Variants in CWC27 observed in about 807,000 individuals in gnomAD.
CWC27 encodes the protein spliceosome-associated protein CWC27 homolog.
CWC27 carries 47 observed loss-of-function variants against 63.6 expected under a neutral mutation model. The observed-to-expected ratio is 0.74, with a 90% CI of 0.58 to 0.94. CWC27 has a LOEUF of 0.94. Among genes scored for constraint, CWC27 ranks in the 40% least tolerant of loss-of-function variants. CWC27 has a pLI of 0.00. For missense variants in CWC27, 495 were observed against 554.3 expected (o/e 0.89, Z 1.07); for synonymous variants, 175 against 179.8 (o/e 0.97, Z 0.22).
rs115478115 is a variant in CWC27 at position 64,963,008 on chromosome 5, G to A, written c.1043-8695G>A. 7.8e-3 allele frequency among the ~76,000 whole-genome samples: 1,186 copies of A among 152,196 alleles called. 18 individuals are homozygous for A. Among genetic ancestry groups the A allele is most frequent in the African/African-American group, 0.027 (1,135 of 41,506 alleles). ...GTCTCTCTCTGTTGCCCAGGCTGGA[G>A]TGCAGGCACAGTCTTGGCTCACTAC... On this transcript the variant is annotated intron_variant, in intron 11 of 13. Coordinates refer to ENST00000381070, the MANE Select transcript of CWC27 (RefSeq NM_005869.4).
intron 13 of CWC27, among the ~76,000 whole-genome samples, chr5:64,998,197 G>A (rs537320534): frequency 7.2e-5 from 11 of 152,184 alleles, no homozygotes; most frequent in South Asian, 2.1e-4. Flanking sequence ...TTTGTTTGTG[G>A]ATCTGTTTTG....
chr5:64,807,876 C>T, intron 10 of CWC27: 2 of 1,479,926 alleles, frequency 1.4e-6, no homozygotes, highest in East Asian at 2.5e-5. Context: ...AAAACCATTC[C>T]ATTTTATTTC....
intron 7 of CWC27, among the ~76,000 whole-genome samples, chr5:64,792,160 C>T (rs1233671636): frequency 6.6e-6 from 1 of 152,126 alleles, no homozygotes; most frequent in Non-Finnish European, 1.5e-5. Context: ...CCTTCACCAA[C>T]TCTGCTCTTT....
intron 11 of CWC27, among the ~76,000 whole-genome samples, chr5:64,909,198 A>G (rs748043111): frequency 6.6e-6 from 1 of 152,178 alleles, no homozygotes; most frequent in Non-Finnish European, 1.5e-5. Context: ...CTTTAAGAAT[A>G]TTGAATATTG....
chr5:64,884,994 C>T (rs920029191), intron 10 of CWC27, among the ~76,000 whole-genome samples: 11 of 152,190 alleles, frequency 7.2e-5, no homozygotes, highest in Non-Finnish European at 4.4e-5. Flanking sequence ...TGACACCTAC[C>T]GTGTAATAAT....
intron 8 of CWC27, 77 bp downstream of exon 8, chr5:64,800,404 ACAGT>A (rs1744449018): frequency 9.2e-7 from 1 of 1,086,828 alleles, no homozygotes; most frequent in African/African-American, 1.6e-5. Context: ...CTGTGAGTAA[ACAGT>A]CAGTCCTCAT....
At chr5:64,943,036 A>G (rs1263038406) in intron 11 of CWC27, among the ~76,000 whole-genome samples, 3 of 152,220 alleles carry the variant, frequency 2.0e-5, no homozygotes, top group African/African-American at 7.2e-5. Context: ...CTCCTAAAGA[A>G]AAAAGCAGAC....
Position 64,801,297 on chromosome 5 carries a change from T to A in CWC27, c.750-5T>A. 7.0e-7 allele frequency: 1 copy of A among 1,420,574 alleles called. No homozygotes were observed. The allele number at this position is 1,420,574 out of a possible 1,614,324, so 88.0% of individuals were successfully genotyped here. A position where few individuals can be genotyped will look rare whatever the true frequency, so the allele number is the denominator to read the frequency against. On this transcript the variant is annotated splice_region_variant and splice_polypyrimidine_tract_variant and intron_variant, in intron 8 of 13. Transcript: ENST00000381070. The stretch of plus-strand genomic sequence containing the variant: ...TAAAATTTGTTTTGCTTATTTTTTT[T>A]ATAGTGAAAAAGGTGATGCACCAGA...
intron 10 of CWC27, among the ~76,000 whole-genome samples, chr5:64,873,674 T>C (rs1746729221): frequency 6.6e-6 from 1 of 152,194 alleles, no homozygotes; most frequent in Non-Finnish European, 1.5e-5. Context: ...AGAAGCTTTT[T>C]AGTTTAATAT....
chr5:64,932,832 C>A (rs1748265382), intron 11 of CWC27, among the ~76,000 whole-genome samples: 1 of 152,116 alleles, frequency 6.6e-6, no homozygotes, highest in Non-Finnish European at 1.5e-5. Flanking sequence ...GTATCACATC[C>A]TTTTTTGACA....
chr5:64,781,908 A>AT lies in CWC27; in HGVS notation c.140-4dup, dbSNP rs200915173. ...TTTTAGACATTGATAAATTATTTTT[A>AT]TTTTTTTTTCAGCTTATTATGACAA... On this transcript the variant is annotated splice_polypyrimidine_tract_variant and intron_variant, in intron 2 of 13. Coordinates refer to ENST00000381070, the MANE Select transcript of CWC27 (RefSeq NM_005869.4). 2.1e-3 allele frequency: 2,786 copies of AT among 1,335,806 alleles called. 2 individuals carry two copies. The highest frequency in any genetic ancestry group is 4.2e-3 in the African/African-American group (282 of 67,852). The allele number at this position is 1,335,806 out of a possible 1,614,324, so 82.7% of individuals were successfully genotyped here.
At chr5:64,805,579 G>A (rs1450725513) in intron 10 of CWC27, among the ~76,000 whole-genome samples, 1 of 151,724 alleles carries the variant, frequency 6.6e-6, no homozygotes, top group South Asian at 2.1e-4. Flanking sequence ...TAAAGGTTAG[G>A]TTTATAATGT....
chr5:64,984,916 A>G (rs1319252693), intron 13 of CWC27, among the ~76,000 whole-genome samples: 1 of 152,184 alleles, frequency 6.6e-6, no homozygotes, highest in African/African-American at 2.4e-5. Flanking sequence ...AACATTTTAT[A>G]GTTTTACATT....
At chr5:64,940,067 A>T (rs911746148) in intron 11 of CWC27, among the ~76,000 whole-genome samples, 1 of 152,080 alleles carries the variant, frequency 6.6e-6, no homozygotes, top group Non-Finnish European at 1.5e-5. Context: ...TGGGGGTGGG[A>T]TCCACTGAGC....
intron 10 of CWC27, among the ~76,000 whole-genome samples, chr5:64,881,269 A>T (rs1022121063): frequency 6.6e-6 from 1 of 151,952 alleles, no homozygotes; most frequent in Non-Finnish European, 1.5e-5. Flanking sequence ...TCTCTGTCTC[A>T]CCTTGTCATT....
chr5:64,897,813 A>G (rs142059887), intron 11 of CWC27, among the ~76,000 whole-genome samples: 1 of 152,204 alleles, frequency 6.6e-6, no homozygotes, highest in African/African-American at 2.4e-5. Context: ...GAATCTCCAC[A>G]TAACACAGAA....
At chr5:65,010,645 G>C (rs1241903772) in intron 13 of CWC27, among the ~76,000 whole-genome samples, 1 of 152,176 alleles carries the variant, frequency 6.6e-6, no homozygotes, top group Non-Finnish European at 1.5e-5. Flanking sequence ...CCCACATGGG[G>C]AAGGCTGTCC....
intron 11 of CWC27, 127 bp downstream of exon 11, chr5:64,885,673 T>C (rs994373143): frequency 1.6e-5 from 11 of 669,178 alleles, no homozygotes; most frequent in African/African-American, 5.5e-5. Flanking sequence ...TTCTTCCCTC[T>C]TTCTTTCCCT....
intron 13 of CWC27, among the ~76,000 whole-genome samples, chr5:64,981,013 A>G (rs1379246680): frequency 6.6e-6 from 1 of 151,976 alleles, no homozygotes; most frequent in African/African-American, 2.4e-5. Context: ...AATCGCTTGA[A>G]CCTGAAAGGT....
Sources: gnomAD v4.1 joint callset for allele counts (sites outside exome capture counted in the v4.1 genomes callset) on GRCh38, gnomAD v4.1.1 for gene constraint, MANE v1.5 for transcripts, NCBI Gene and HGNC (gene_info 2026-07-23, HGNC 2026-07-21) for gene names.